LYPD5: variants seen among roughly 807,000 people sequenced by gnomAD.
The protein encoded by LYPD5 is ly6/PLAUR domain-containing protein 5.
In LYPD5, 21 loss-of-function variants were observed where a neutral mutation model predicts 19.1. The observed-to-expected ratio is 1.10, with a 90% CI of 0.78 to 1.58. The LOEUF (loss-of-function observed/expected upper bound fraction) is 1.58, where lower values mean the gene tolerates loss of function less well. Among genes scored for constraint, LYPD5 ranks in the 40% most tolerant of loss-of-function variants. The pLI is 0.00. For synonymous variants in LYPD5, 128 were observed against 142.7 expected, an observed-to-expected ratio of 0.90 and a Z score of 0.74; for missense variants, 287 against 329.8, an observed-to-expected ratio of 0.87 and a Z score of 1.00.
upstream of LYPD5, among the ~76,000 whole-genome samples, chr19:43,803,903 T>C (rs968509804): frequency 3.9e-5 from 6 of 152,068 alleles, no homozygotes; most frequent in Non-Finnish European, 5.9e-5. Context: ...AGTGGCGTGA[T>C]CTCGGCTCAC....
In LYPD5 at chr19:43,797,067, T is replaced by C. The variant is rs1292562324; in HGVS notation, c.*524A>G. 1 of 152,482 alleles carries C rather than the reference T, an allele frequency of 6.6e-6. No individual in the cohort carries two copies. Among genetic ancestry groups the C allele is most frequent in the African/African-American group, 2.4e-5 (1 of 41,224 alleles). 9.4% of individuals were successfully genotyped at this position (152,482 alleles called of 1,614,324 possible). A position where few individuals can be genotyped will look rare whatever the true frequency, so the allele number is the denominator to read the frequency against. On this transcript the variant is annotated 3_prime_UTR_variant, in exon 5 of 5. Transcript: ENST00000377950. ...ATGCTGGAGCTGGGATTTGAACCCA[T>C]GCAGCTTAGCTCCAGAGCCTGGCTT...
At chr19:43,820,498 T>A (rs1970409796) in intron 1 of LYPD5, 1 of 147,670 alleles carries the variant, frequency 6.8e-6, no homozygotes, top group Admixed American at 6.8e-5. Context: ...TGTCGCCTTC[T>A]TCGGCTGCTC....
At chr19:43,811,318 G>A (rs1291818367) in intron 1 of LYPD5, among the ~76,000 whole-genome samples, 1 of 152,242 alleles carries the variant, frequency 6.6e-6, no homozygotes, top group South Asian at 2.1e-4. Context: ...GTTGAGAAAC[G>A]TGACATCATG....
intron 3 of LYPD5, 26 bp from the exon 4 acceptor site, chr19:43,798,627 T>G (rs771594079): frequency 1.2e-6 from 2 of 1,609,386 alleles, no homozygotes; most frequent in East Asian, 4.5e-5. Flanking sequence ...AGATGCACAC[T>G]CAGGCAGTGG....
Position 43,798,889 on chromosome 19 carries a change from G to A in LYPD5, c.293C>T (p.Ser98Leu), listed in dbSNP as rs1227152513. The A allele has an allele frequency of 1.9e-6, 3 of 1,605,248 alleles. No homozygotes were observed. The highest frequency in any genetic ancestry group is 2.6e-6 in the Non-Finnish European group (3 of 1,176,180). ...GTCAGTTGTGCAGCCGCGCACCACC[G>A]AGTAGTCTGGCGGCAGCGCGTCCGC... Reference protein sequence around the residue: ...SNADALPPDYSVVRGCTTDKC... With the variant: ...SNADALPPDYLVVRGCTTDKC... Residue 98 changes from serine (S) to leucine (L), a missense_variant, in exon 3 of 5, where the codon TCG becomes TTG. By Grantham distance (145) the Ser-to-Leu change is moderately radical. Transcript: ENST00000377950.
upstream of LYPD5, among the ~76,000 whole-genome samples, chr19:43,803,610 C>CCTGA (rs55807921): frequency 0.29 from 44,706 of 151,980 alleles, 7,116 homozygotes; most frequent in Non-Finnish European, 0.38. Flanking sequence ...CAGGTTTCTT[C>CCTGA]CTCTCGGCCC....
chr19:43,798,963 C>A lies in LYPD5; in HGVS notation c.219G>T (p.Val73=). 3.8e-6 allele frequency: 6 copies of A among 1,579,658 alleles called. No homozygotes were observed. Among genetic ancestry groups the A allele is most frequent in the Non-Finnish European group, 4.3e-6 (5 of 1,163,380 alleles). The part of the protein sequence containing the change: ...DTGYRAPVTL[V]RKGCWTGPPA... ...GAGGCCCGGTCCAGCAGCCCTTCCG[C>A]ACCAGGGTCACCGGCGCGCGATACC... The change falls in exon 3 of 5, where the codon GTG becomes GTT. Residue 73 remains valine (V), a synonymous_variant. Transcript: ENST00000377950.
upstream of LYPD5, chr19:43,802,541 A>ATATTT: frequency 4.3e-6 from 2 of 468,358 alleles, no homozygotes; most frequent in South Asian, 2.6e-5. Flanking sequence ...ATCGTGATGG[A>ATATTT]AACAGGGTGA....
intron 1 of LYPD5, among the ~76,000 whole-genome samples, chr19:43,812,335 TTCTA>T (rs61040752): frequency 0.022 from 3,095 of 143,368 alleles, 52 homozygotes; most frequent in Admixed American, 0.027. Flanking sequence ...TGGTTATTTT[TTCTA>T]TCTATCTATC....
rs138242951 is a variant in LYPD5, at chr19:43,818,233, A to G, written c.-66+2307T>C. Among the ~76,000 whole-genome samples, 520 of 152,252 alleles carry G rather than the reference A, an allele frequency of 3.4e-3. 3 individuals are homozygous for G. The highest frequency in any genetic ancestry group is 0.012 in the African/African-American group (499 of 41,558). On this transcript the variant is annotated intron_variant, in intron 1 of 4. Coordinates refer to the LYPD5 transcript ENST00000414615. Reference sequence around the variant, plus strand: ...AGGATCTTGAGGGTCTCTCCTGGAAACACTCCTCTTAGCTTACATTGCCTA... The same window carrying G: ...AGGATCTTGAGGGTCTCTCCTGGAAGCACTCCTCTTAGCTTACATTGCCTA...
intron 1 of LYPD5, among the ~76,000 whole-genome samples, chr19:43,811,681 AAGAAAGAAAGAAAGAAGGAAAGAG>A (rs938115051): frequency 1.3e-5 from 2 of 149,420 alleles, no homozygotes; most frequent in African/African-American, 5.0e-5. Flanking sequence ...GGGAGAAAGA[AAGAAAGAAAGAAAGAAGGAAAGAG>A]AGAAAGAAAG....
chr19:43,800,239 T>C (rs1486426055), intron 1 of LYPD5, among the ~76,000 whole-genome samples: 3 of 152,192 alleles, frequency 2.0e-5, no homozygotes, highest in Non-Finnish European at 2.9e-5. Context: ...TAGAGTGAAG[T>C]GTGGTCCTGT....
chr19:43,799,106 T>TTCCCTCCC, intron 2 of LYPD5, 118 bp from the exon 3 acceptor site: 1 of 1,100,298 alleles, frequency 9.1e-7, no homozygotes, highest in South Asian at 1.7e-5. Context: ...CCCTCCCTCC[T>TTCCCTCCC]TCCCTCCTTC....
intron 2 of LYPD5, among the ~76,000 whole-genome samples, chr19:43,799,222 T>C (rs1033569679): frequency 2.7e-5 from 4 of 150,848 alleles, no homozygotes; most frequent in African/African-American, 9.7e-5. Context: ...TTTCCTCCCC[T>C]CACCGCTCGT....
upstream of LYPD5, among the ~76,000 whole-genome samples, chr19:43,802,700 G>A (rs62116995): frequency 0.29 from 44,767 of 151,836 alleles, 7,168 homozygotes; most frequent in Non-Finnish European, 0.38. Context: ...TGGCACATAT[G>A]GCCTTTTGAC....
chr19:43,814,270 T>C (rs1970352208), intron 1 of LYPD5, among the ~76,000 whole-genome samples: 1 of 152,126 alleles, frequency 6.6e-6, no homozygotes, highest in Non-Finnish European at 1.5e-5. Flanking sequence ...GGCGGGACGA[T>C]GGCTTGAGCC....
At chr19:43,813,599 G>A (rs1179571900) in intron 1 of LYPD5, among the ~76,000 whole-genome samples, 1 of 152,228 alleles carries the variant, frequency 6.6e-6, no homozygotes, top group African/African-American at 2.4e-5. Context: ...GGCTGGCTGA[G>A]GAGATGGACT....
chr19:43,816,063 T>TATCTATCTATCA (rs1161181595), intron 1 of LYPD5, among the ~76,000 whole-genome samples: 28 of 151,958 alleles, frequency 1.8e-4, no homozygotes, highest in African/African-American at 6.8e-4. Flanking sequence ...TCTATCTATC[T>TATCTATCTATCA]ATCTATCTAT....
At position 43,799,027 on chromosome 19, in the gene LYPD5, AC is replaced by A. The variant is rs764075843; in HGVS notation, c.194-40del. 43 of 1,509,528 alleles carry A rather than the reference AC, an allele frequency of 2.8e-5. 1 individual carries two copies. In the Admixed American group the frequency reaches 5.5e-4, roughly 19 times the overall value. 93.5% of individuals were successfully genotyped at this position (1,509,528 alleles called of 1,614,324 possible). On this transcript the variant is annotated intron_variant, in intron 2 of 4. Coordinates refer to ENST00000377950, the MANE Select transcript of LYPD5 (RefSeq NM_001031749.3). Reference sequence around the variant, plus strand: ...CGGGGCTCGTGCTCTGCTTCCCGAAACCCTTCTCCCTCCAGTCTCAGCGTTC... The same window carrying A: ...CGGGGCTCGTGCTCTGCTTCCCGAAACCTTCTCCCTCCAGTCTCAGCGTTC...
Sources: gnomAD v4.1 joint callset for allele counts (sites outside exome capture counted in the v4.1 genomes callset) on GRCh38, gnomAD v4.1.1 for gene constraint, MANE v1.5 for transcripts, NCBI Gene and HGNC (gene_info 2026-07-23, HGNC 2026-07-21) for gene names.